The following FSHR variants were observed in gnomAD, a reference collection of about 807,000 sequenced individuals.
The protein encoded by FSHR is follicle-stimulating hormone receptor.
A neutral mutation model predicts 52.1 loss-of-function variants in FSHR; 46 were observed. That is an observed-to-expected ratio of 0.88 (90% CI 0.70 to 1.13). FSHR has a LOEUF of 1.13. Among genes scored for constraint, FSHR ranks in the 50% most tolerant of loss-of-function variants. The pLI, the probability that FSHR is intolerant of heterozygous loss-of-function variation, is 0.00. For missense variants in FSHR, 964 were observed against 834.6 expected (o/e 1.16, Z -1.91); for synonymous variants, 399 against 309.6 (o/e 1.29, Z -3.03).
In FSHR at chr2:49,094,667, G is replaced by T. The variant is rs371610068; in HGVS notation, c.153-26377C>A. Among the ~76,000 whole-genome samples the T allele has an allele frequency of 5.3e-5, 8 of 152,174 alleles. No homozygotes were observed. The East Asian group carries it at 1.4e-3, about 26-fold the overall frequency. The stretch of plus-strand genomic sequence containing the variant: ...CATCCTGACTTATGGGATTCAGAGA[G>T]AGCAGTGCTTTGAGGAAAATGTATA... On this transcript the variant is annotated intron_variant, in intron 1 of 9. Transcript: ENST00000406846.
intron 2 of FSHR, among the ~76,000 whole-genome samples, chr2:49,039,813 T>C (rs188446218): frequency 1.2e-4 from 18 of 152,216 alleles, no homozygotes; most frequent in African/African-American, 4.3e-4. Context: ...TTTTGTTTTA[T>C]GTGTAAGTAG....
chr2:49,154,065 C>G (rs1412774511), intron 1 of FSHR, among the ~76,000 whole-genome samples: 1 of 152,170 alleles, frequency 6.6e-6, no homozygotes, highest in Non-Finnish European at 1.5e-5. Flanking sequence ...CTGACAAATG[C>G]TGATACAAAC....
chr2:48,988,831 T>G, intron 6 of FSHR, 146 bp downstream of exon 6: 9 of 698,942 alleles, frequency 1.3e-5, no homozygotes, highest in East Asian at 2.7e-5. Flanking sequence ...AATGTAAAGA[T>G]GAGAGAGGAA....
At chr2:49,146,530 T>C (rs1417495028) in intron 1 of FSHR, among the ~76,000 whole-genome samples, 1 of 151,978 alleles carries the variant, frequency 6.6e-6, no homozygotes, top group African/African-American at 2.4e-5. Flanking sequence ...GTGTGGGGTT[T>C]TTCCATGCTG....
At chr2:49,150,882 A>C (rs530368247) in intron 1 of FSHR, among the ~76,000 whole-genome samples, 1 of 151,964 alleles carries the variant, frequency 6.6e-6, no homozygotes, top group Admixed American at 6.6e-5. Flanking sequence ...ATGTTTTTCT[A>C]TGGCCAGTAA....
At chr2:48,972,104 G>A (rs1674767070) in intron 8 of FSHR, among the ~76,000 whole-genome samples, 1 of 151,820 alleles carries the variant, frequency 6.6e-6, no homozygotes, top group Non-Finnish European at 1.5e-5. Flanking sequence ...CTAATATGCA[G>A]GTCAGACTTT....
intron 4 of FSHR, among the ~76,000 whole-genome samples, chr2:49,013,405 C>G (rs186636743): frequency 2.6e-4 from 38 of 145,972 alleles, no homozygotes; most frequent in African/African-American, 9.3e-4. Context: ...GGTGATCCCT[C>G]TTAGCAGTTT....
intron 1 of FSHR, among the ~76,000 whole-genome samples, chr2:49,104,375 T>C (rs2103734050): frequency 6.6e-6 from 1 of 152,222 alleles, no homozygotes; most frequent in Admixed American, 6.5e-5. Flanking sequence ...GAACTCTTTG[T>C]GAAGGGGGAA....
At chr2:49,035,471 G>A (rs1668242165) in intron 2 of FSHR, among the ~76,000 whole-genome samples, 1 of 152,176 alleles carries the variant, frequency 6.6e-6, no homozygotes, top group Admixed American at 6.5e-5. Flanking sequence ...CCAGGGAAGT[G>A]TTTTGGATCC....
chr2:49,090,675 A>C (rs1024689453), intron 1 of FSHR, among the ~76,000 whole-genome samples: 7 of 152,340 alleles, frequency 4.6e-5, no homozygotes, highest in African/African-American at 1.7e-4. Context: ...GTTTGACTAC[A>C]TAAAAAGTTG....
At position 48,968,888 on chromosome 2, in the gene FSHR, A is replaced by G. The variant is rs1166662459; in HGVS notation, c.669-5T>C. 6.2e-7 allele frequency: 1 copy of G among 1,612,384 alleles called. No individual in the cohort carries two copies. The highest frequency in any genetic ancestry group is 1.3e-5 in the African/African-American group (1 of 74,880). ...ATCCTTGTTCTTGAAATATCTCTAT[A>G]AAGAGAAAAGGTAAATATAACAGGA... On this transcript the variant is annotated splice_region_variant and splice_polypyrimidine_tract_variant and intron_variant, in intron 8 of 9. Coordinates refer to ENST00000406846, the MANE Select transcript of FSHR (RefSeq NM_000145.4).
At chr2:49,051,479 C>A (rs1668854192) in intron 2 of FSHR, among the ~76,000 whole-genome samples, 1 of 151,976 alleles carries the variant, frequency 6.6e-6, no homozygotes, top group African/African-American at 2.4e-5. Context: ...ATTCGTGTAT[C>A]TTTTTTTGTG....
chr2:49,113,063 G>A (rs1289056908), intron 1 of FSHR, among the ~76,000 whole-genome samples: 1 of 152,126 alleles, frequency 6.6e-6, no homozygotes, highest in Admixed American at 6.5e-5. Flanking sequence ...AGGCAGGATG[G>A]GAGCCAGGGC....
At chr2:49,046,179 T>C (rs892967801) in intron 2 of FSHR, among the ~76,000 whole-genome samples, 1 of 152,190 alleles carries the variant, frequency 6.6e-6, no homozygotes, top group Non-Finnish European at 1.5e-5. Context: ...TATGAGGCAT[T>C]TTGAAATTAT....
chr2:49,056,776 C>T (rs1489457676), intron 2 of FSHR, among the ~76,000 whole-genome samples: 1 of 151,746 alleles, frequency 6.6e-6, no homozygotes, highest in African/African-American at 2.4e-5. Flanking sequence ...ATAAACAAGT[C>T]TCAAAAAAAT....
chr2:49,052,501 T>C (rs1470366365), intron 2 of FSHR, among the ~76,000 whole-genome samples: 2 of 152,232 alleles, frequency 1.3e-5, no homozygotes, highest in Non-Finnish European at 2.9e-5. Flanking sequence ...GACCTCGTCC[T>C]GGAAAAATGG....
intron 1 of FSHR, among the ~76,000 whole-genome samples, chr2:49,123,582 A>G (rs1671894381): frequency 1.3e-5 from 2 of 152,232 alleles, no homozygotes; most frequent in Non-Finnish European, 2.9e-5. Context: ...ATAATTCCAC[A>G]GTGTATACAT....
chr2:48,985,697 GTTTTTTTTTTT>G (rs70946839), intron 6 of FSHR, among the ~76,000 whole-genome samples: 3 of 99,542 alleles, frequency 3.0e-5, no homozygotes, highest in African/African-American at 8.4e-5. Context: ...GCAAGTACAG[GTTTTTTTTTTT>G]TTTTTTTTTT....
chr2:49,048,301 A>AC (rs1488537628), intron 2 of FSHR, among the ~76,000 whole-genome samples: 4 of 150,146 alleles, frequency 2.7e-5, no homozygotes, highest in African/African-American at 9.8e-5. Flanking sequence ...GTTTTCTTAT[A>AC]GAAAAAAAAC....
Sources: allele counts gnomAD v4.1 joint callset (sites outside exome capture counted in the v4.1 genomes callset), GRCh38; gene constraint gnomAD v4.1.1; transcripts MANE v1.5; gene names NCBI Gene and HGNC (gene_info 2026-07-23, HGNC 2026-07-21).